Variants in GSDME observed in about 807,000 individuals in gnomAD.
GSDME encodes the protein gasdermin-E.
A neutral mutation model predicts 47.5 loss-of-function variants in GSDME; 44 were observed. The ratio of observed to expected loss-of-function variants is 0.93; its 90% CI spans 0.73 to 1.19. GSDME has a LOEUF of 1.19. Among genes scored for constraint, GSDME ranks in the 50% most tolerant of loss-of-function variants. GSDME has a pLI of 0.00. For missense variants in GSDME, 663 were observed against 604.2 expected, an observed-to-expected ratio of 1.10 and a Z score of -1.02; for synonymous variants, 258 against 252.8, an observed-to-expected ratio of 1.02 and a Z score of -0.20.
In GSDME at chr7:24,733,699, A is replaced by G. The variant is rs922258839; in HGVS notation, c.404+10863T>C. 1.3e-5 allele frequency among the ~76,000 whole-genome samples: 2 copies of G among 151,938 alleles called. No individual in the cohort carries two copies. Among genetic ancestry groups the G allele is most frequent in the Admixed American group, 6.6e-5 (1 of 15,258 alleles). On this transcript the variant is annotated intron_variant, in intron 3 of 9. Transcript: ENST00000645220. This position sits in a 1 kb window ranked among gnomAD's most constrained non-coding sequence, Gnocchi z 4.3. ...ATGGGTGAGAGTCCTCTGCCTGGGG[A>G]AAGGAGAGGGAAGAGTGAAGGGACT... is the stretch of plus-strand genomic sequence containing the variant.
rs112290048 is a variant in GSDME, at chr7:24,721,291, G to T, written c.405-2073C>A. The stretch of plus-strand genomic sequence containing the variant: ...AATAGATAAGACATAGGAAAAACGG[G>T]TTCAATCTTAGTACTGGTTAAGGAA... On this transcript the variant is annotated intron_variant, in intron 3 of 9. Transcript: ENST00000645220. The surrounding 1 kb of genome is among the most constrained non-coding windows in gnomAD (Gnocchi z 4.1). Among the ~76,000 whole-genome samples the T allele has an allele frequency of 2.0e-5, 3 of 152,332 alleles. No individual in the cohort carries two copies. The highest frequency in any genetic ancestry group is 7.2e-5 in the African/African-American group (3 of 41,584).
At chr7:24,749,969 G>A (rs1790804280) in intron 1 of GSDME, among the ~76,000 whole-genome samples, 176 bp from the exon 2 acceptor site, 1 of 152,110 alleles carries the variant, frequency 6.6e-6, no homozygotes, top group Admixed American at 6.5e-5. Flanking sequence ...TAGAGATATT[G>A]AAAGAACATA....
rs1789410079 is a variant in GSDME, at chr7:24,712,895, G to A, written c.698-2507C>T. Among the ~76,000 whole-genome samples, 1 of 152,048 alleles carries A rather than the reference G, an allele frequency of 6.6e-6. No individual in the cohort carries two copies. The highest frequency in any genetic ancestry group is 2.4e-5 in the African/African-American group (1 of 41,384). ...TAGCCGGGCATAGTGGTGCACACCT[G>A]TAATCCCAGTTACTCAGGAGGCTGA... On this transcript the variant is annotated intron_variant, in intron 5 of 9. Transcript: ENST00000645220. The surrounding 1 kb of genome is among the most constrained non-coding windows in gnomAD (Gnocchi z 4.4).
Position 24,721,263 on chromosome 7 carries a change from ACAAATAG to A in GSDME, c.405-2052_405-2046del, listed in dbSNP as rs1189958723. Among the ~76,000 whole-genome samples the A allele has an allele frequency of 6.6e-6, 1 of 152,256 alleles. No homozygotes were observed. The highest frequency in any genetic ancestry group is 2.4e-5 in the African/African-American group (1 of 41,478). On this transcript the variant is annotated intron_variant, in intron 3 of 9. Coordinates refer to ENST00000645220, the MANE Select transcript of GSDME (RefSeq NM_001127453.2). This position sits in a 1 kb window ranked among gnomAD's most constrained non-coding sequence, Gnocchi z 4.1. Reference sequence around the variant, plus strand: ...GTGTCTCATCTATTTTACCACAATAACAAATAGATAAGACATAGGAAAAACGGGTTCA... The same window carrying A: ...GTGTCTCATCTATTTTACCACAATAAATAAGACATAGGAAAAACGGGTTCA...
At chr7:24,783,707 AG>A in the GSDME span, among the ~76,000 whole-genome samples, 87 of 151,982 alleles carry the variant, frequency 5.7e-4, no homozygotes, top group South Asian at 6.5e-3. Flanking sequence ...GACCTGAGGC[AG>A]GGGTTCTGGG....
At position 24,724,461 on chromosome 7, in the gene GSDME, G is replaced by C. The variant is rs917984949; in HGVS notation, c.405-5243C>G. Among the ~76,000 whole-genome samples the C allele has an allele frequency of 2.0e-5, 3 of 152,194 alleles. No individual in the cohort carries two copies. The highest frequency in any genetic ancestry group is 4.4e-5 in the Non-Finnish European group (3 of 68,040). On this transcript the variant is annotated intron_variant, in intron 3 of 9. Transcript: ENST00000645220. This position sits in a 1 kb window ranked among gnomAD's most constrained non-coding sequence, Gnocchi z 4.8. Reference sequence around the variant, plus strand: ...ATCCGCTTCACACATCTAAGGGCAGGCTCCTTGTTCTTCCTGGCGGGGGCG... The same window carrying C: ...ATCCGCTTCACACATCTAAGGGCAGCCTCCTTGTTCTTCCTGGCGGGGGCG...
At chr7:24,749,942 A>G in intron 1 of GSDME, 149 bp from the exon 2 acceptor site, 1 of 625,222 alleles carries the variant, frequency 1.6e-6, no homozygotes, top group Non-Finnish European at 2.8e-6. Context: ...ACTTTAGCTG[A>G]TAATAAAGAA....
intron 2 of GSDME, among the ~76,000 whole-genome samples, chr7:24,748,949 A>G (rs867662555): frequency 6.6e-6 from 1 of 152,210 alleles, no homozygotes; most frequent in African/African-American, 2.4e-5. Flanking sequence ...GGTATGTGGC[A>G]TCATCAGTTC....
At position 24,756,441 on chromosome 7, in the gene GSDME, G is replaced by A. The variant is rs1330928178; in HGVS notation, c.-20+955C>T. Among the ~76,000 whole-genome samples the A allele has an allele frequency of 6.6e-6, 1 of 152,126 alleles. No homozygotes were observed. The highest frequency in any genetic ancestry group is 1.5e-5 in the Non-Finnish European group (1 of 68,010). On this transcript the variant is annotated intron_variant, in intron 1 of 9. Coordinates refer to ENST00000645220, the MANE Select transcript of GSDME (RefSeq NM_001127453.2). The surrounding 1 kb of genome is among the most constrained non-coding windows in gnomAD (Gnocchi z 4.2). Reference sequence around the variant, plus strand: ...CTCTCAGATCTACCTAATGGTCTGGGCTCAACTTCTCCTTTAGAAAAAGAG... The same window carrying A: ...CTCTCAGATCTACCTAATGGTCTGGACTCAACTTCTCCTTTAGAAAAAGAG...
chr7:24,713,888 C>T (rs955102889), intron 5 of GSDME, among the ~76,000 whole-genome samples: 1 of 152,104 alleles, frequency 6.6e-6, no homozygotes, highest in Non-Finnish European at 1.5e-5. Context: ...GCCCAGAGTT[C>T]AAGGTTGCAG....
At chr7:24,702,060 A>G (rs1203614893) in intron 9 of GSDME, among the ~76,000 whole-genome samples, 1 of 152,206 alleles carries the variant, frequency 6.6e-6, no homozygotes, top group Admixed American at 6.5e-5. Flanking sequence ...CCTTAAAATA[A>G]TCAGACCGTG....
chr7:24,793,255 T>C, the GSDME span, among the ~76,000 whole-genome samples: 3 of 152,236 alleles, frequency 2.0e-5, no homozygotes, highest in African/African-American at 7.2e-5. Context: ...CAACCTTTTA[T>C]AATTTTTGTA....
At position 24,717,267 on chromosome 7, in the gene GSDME, C is replaced by T. The variant is rs1427314825; in HGVS notation, c.684G>A (p.Leu228=). The T allele has an allele frequency of 6.3e-7, 1 of 1,589,436 alleles. No homozygotes were observed. The highest frequency in any genetic ancestry group is 8.6e-7 in the Non-Finnish European group (1 of 1,168,984). ...GGTGGCACTCACCGAACTGGCCGTC[C>T]AGTTTCACGTATAACTCAATGACAC... The part of the protein sequence containing the change: ...AYGVIELYVK[L]DGQFEFCLLR... The change falls in exon 5 of 10, where the codon CTG becomes CTA. Residue 228 remains leucine (L), a synonymous_variant. Transcript: ENST00000645220.
At chr7:24,722,998 C>T (rs901680178) in intron 3 of GSDME, among the ~76,000 whole-genome samples, 6 of 152,224 alleles carry the variant, frequency 3.9e-5, no homozygotes, top group African/African-American at 1.4e-4. Context: ...CACACAGCCA[C>T]AGCTCATGCA....
chr7:24,780,540 C>A, the GSDME span, among the ~76,000 whole-genome samples: 1 of 152,160 alleles, frequency 6.6e-6, no homozygotes, highest in Non-Finnish European at 1.5e-5. This position sits in a 1 kb window ranked among gnomAD's most constrained non-coding sequence, Gnocchi z 4.1. Flanking sequence ...TTGTACACAC[C>A]CTTCTTGCCT....
the GSDME span, among the ~76,000 whole-genome samples, chr7:24,787,259 C>T: frequency 6.6e-6 from 1 of 152,186 alleles, no homozygotes; most frequent in Non-Finnish European, 1.5e-5. The surrounding 1 kb of genome is among the most constrained non-coding windows in gnomAD (Gnocchi z 5.0). Flanking sequence ...ACAGGCATCA[C>T]AGGGGAAGGA....
Position 24,702,849 on chromosome 7 carries a change from A to G in GSDME, c.1184-16T>C. 2 of 1,610,792 alleles carry G rather than the reference A, an allele frequency of 1.2e-6. No homozygotes were observed. Among genetic ancestry groups the G allele is most frequent in the Non-Finnish European group, 8.5e-7 (1 of 1,177,984 alleles). On this transcript the variant is annotated splice_polypyrimidine_tract_variant and intron_variant, in intron 8 of 9. Transcript: ENST00000645220. ...TCTGGCATTTCTGCAGGAGAGAAAAATCACAGTCACAGTCCAAAAAAACAA... is the reference window on the plus strand; with the variant it reads ...TCTGGCATTTCTGCAGGAGAGAAAAGTCACAGTCACAGTCCAAAAAAACAA...
the GSDME span, among the ~76,000 whole-genome samples, chr7:24,785,814 C>T: frequency 6.6e-6 from 1 of 152,220 alleles, no homozygotes; most frequent in African/African-American, 2.4e-5. Flanking sequence ...TCCTATCTTT[C>T]CAGTTCCTTC....
At chr7:24,793,731 G>T in the GSDME span, among the ~76,000 whole-genome samples, 2 of 150,508 alleles carry the variant, frequency 1.3e-5, no homozygotes, top group South Asian at 4.2e-4. Flanking sequence ...ATTTATTTTA[G>T]GACAAGAATG....
Sources: allele counts gnomAD v4.1 joint callset (sites outside exome capture counted in the v4.1 genomes callset), GRCh38; gene constraint gnomAD v4.1.1; non-coding constraint Gnocchi (gnomAD v3.1); transcripts MANE v1.5; gene names NCBI Gene and HGNC (gene_info 2026-07-23, HGNC 2026-07-21).